TTC28: variants seen among roughly 807,000 people sequenced by gnomAD.
TTC28 encodes the protein tetratricopeptide repeat domain 28.
Under a neutral mutation model 198.0 loss-of-function variants are expected in TTC28, and 61 were observed. The ratio of observed to expected loss-of-function variants is 0.31; its 90% CI spans 0.25 to 0.38. TTC28 has a LOEUF of 0.38. Ranked by LOEUF, TTC28 falls within the 10% of genes least tolerant of loss-of-function variation. TTC28 has a pLI of 1.00. For missense variants in TTC28, 2,678 were observed against 3,164.0 expected, an observed-to-expected ratio of 0.85 and a Z score of 3.69; for synonymous variants, 1,171 against 1,297.8, an observed-to-expected ratio of 0.90 and a Z score of 2.10.
chr22:28,013,701 G>C (rs1938244748), intron 14 of TTC28, among the ~76,000 whole-genome samples: 2 of 152,198 alleles, frequency 1.3e-5, no homozygotes, highest in African/African-American at 4.8e-5. Context: ...GTAGGGTGTG[G>C]GCGCAAGGTG....
chr22:28,296,362 T>A, intron 4 of TTC28, 34 bp from the exon 5 acceptor site: 1 of 1,477,186 alleles, frequency 6.8e-7, no homozygotes, highest in Non-Finnish European at 9.0e-7. Context: ...AAAGAAAAAA[T>A]TTCTCTAAGT....
At chr22:28,426,482 A>G (rs971090345) in intron 2 of TTC28, among the ~76,000 whole-genome samples, 2 of 152,186 alleles carry the variant, frequency 1.3e-5, no homozygotes, top group African/African-American at 4.8e-5. Flanking sequence ...CAGGAGTTGG[A>G]TTAGACCATT....
intron 2 of TTC28, among the ~76,000 whole-genome samples, chr22:28,594,240 C>A (rs184402758): frequency 1.1e-4 from 16 of 148,776 alleles, no homozygotes; most frequent in East Asian, 3.9e-4. Context: ...AATAAATAAT[C>A]GTTTATTAAT....
chr22:28,296,647 G>A (rs577154331), intron 4 of TTC28, among the ~76,000 whole-genome samples: 29 of 152,132 alleles, frequency 1.9e-4, no homozygotes, highest in African/African-American at 2.7e-4. Context: ...CCCTGCTAAT[G>A]ACCTTTGATT....
chr22:28,142,309 AGAG>A (rs1943357054), intron 6 of TTC28, among the ~76,000 whole-genome samples: 1 of 152,238 alleles, frequency 6.6e-6, no homozygotes, highest in South Asian at 2.1e-4. Context: ...CGCCTAGAAT[AGAG>A]GAGTAACCAT....
intron 12 of TTC28, among the ~76,000 whole-genome samples, chr22:28,089,652 C>T (rs957685517): frequency 7.5e-5 from 10 of 132,606 alleles, no homozygotes; most frequent in African/African-American, 2.8e-4. Context: ...TACCCTAAAA[C>T]TTAAAGTATA....
intron 5 of TTC28, among the ~76,000 whole-genome samples, chr22:28,281,034 A>C (rs1394212252): frequency 5.3e-5 from 8 of 152,074 alleles, no homozygotes; most frequent in Admixed American, 5.2e-4. Flanking sequence ...TTCTCTTTAT[A>C]ATTGGTTTAT....
At chr22:28,617,332 GAA>G (rs35868414) in intron 2 of TTC28, among the ~76,000 whole-genome samples, 3 of 122,278 alleles carry the variant, frequency 2.5e-5, no homozygotes, top group African/African-American at 3.0e-5. Context: ...AACTTTTTTT[GAA>G]AAAAAAAAAA....
chr22:28,344,106 A>G (rs1335943541), intron 2 of TTC28, among the ~76,000 whole-genome samples: 4 of 151,458 alleles, frequency 2.6e-5, no homozygotes, highest in Admixed American at 2.0e-4. Context: ...TTAACCACAC[A>G]TATACCAATC....
chr22:28,188,426 A>C (rs1924404522), intron 5 of TTC28, among the ~76,000 whole-genome samples: 1 of 152,144 alleles, frequency 6.6e-6, no homozygotes, highest in Non-Finnish European at 1.5e-5. Context: ...GCAGGAATTG[A>C]GGCACTAAGG....
intron 6 of TTC28, among the ~76,000 whole-genome samples, chr22:28,149,036 A>G (rs919832965): frequency 6.6e-6 from 1 of 152,230 alleles, no homozygotes; most frequent in Non-Finnish European, 1.5e-5. Flanking sequence ...ACGTGTTGTT[A>G]GGTGATTTCG....
chr22:28,337,394 T>G (rs1437930997), intron 2 of TTC28, among the ~76,000 whole-genome samples: 1 of 152,018 alleles, frequency 6.6e-6, no homozygotes, highest in Non-Finnish European at 1.5e-5. Context: ...CTGGATATCC[T>G]TGTTAACTTT....
intron 2 of TTC28, among the ~76,000 whole-genome samples, chr22:28,352,393 T>A (rs776495046): frequency 2.6e-5 from 4 of 151,688 alleles, no homozygotes; most frequent in Non-Finnish European, 5.9e-5. Context: ...TATAGGGCTA[T>A]TGTGGAAAGG....
intron 1 of TTC28, among the ~76,000 whole-genome samples, chr22:28,659,100 C>A (rs1392685272): frequency 6.6e-6 from 1 of 152,204 alleles, no homozygotes; most frequent in Non-Finnish European, 1.5e-5. Flanking sequence ...GGGCCCTCAC[C>A]AGAAGCAAAC....
chr22:28,297,746 A>G lies in TTC28; in HGVS notation c.636T>C (p.His212=). 1 of 1,551,674 alleles carries G rather than the reference A, an allele frequency of 6.4e-7. No individual in the cohort carries two copies. Among genetic ancestry groups the G allele is most frequent in the Non-Finnish European group, 8.7e-7 (1 of 1,146,984 alleles). The change falls in exon 4 of 23, where the codon CAT becomes CAC. Residue 212 remains histidine (H), a synonymous_variant. Coordinates refer to ENST00000397906, the MANE Select transcript of TTC28 (RefSeq NM_001145418.2). ...CTTCTAAGACAACCACAGAGGCCCCATGATGGCCAGCTGTCAGGAGTTCCT... is the reference window on the plus strand; with the variant it reads ...CTTCTAAGACAACCACAGAGGCCCCGTGATGGCCAGCTGTCAGGAGTTCCT... The part of the protein sequence containing the change: ...VGQELLTAGH[H]GASVVVLEAA...
chr22:28,561,394 C>T (rs1400682834), intron 2 of TTC28, among the ~76,000 whole-genome samples: 1 of 152,086 alleles, frequency 6.6e-6, no homozygotes, highest in Admixed American at 6.5e-5. Flanking sequence ...CATTTTATAA[C>T]TCCTTACATG....
At chr22:28,385,850 T>C (rs751161774) in intron 2 of TTC28, among the ~76,000 whole-genome samples, 7 of 152,322 alleles carry the variant, frequency 4.6e-5, no homozygotes, top group African/African-American at 1.7e-4. Context: ...CTACTCACTA[T>C]GTCTGATCAC....
chr22:28,550,190 A>C (rs2049637005), intron 2 of TTC28, among the ~76,000 whole-genome samples: 1 of 152,180 alleles, frequency 6.6e-6, no homozygotes, highest in African/African-American at 2.4e-5. Context: ...GACATTTTGC[A>C]GAAGTAGATG....
chr22:28,211,526 A>G (rs1233686391), intron 5 of TTC28, among the ~76,000 whole-genome samples: 1 of 152,206 alleles, frequency 6.6e-6, no homozygotes, highest in Non-Finnish European at 1.5e-5. Context: ...GGATCAAAAG[A>G]GACAAAGAAG....
Sources: gnomAD v4.1 joint callset for allele counts (sites outside exome capture counted in the v4.1 genomes callset) on GRCh38, gnomAD v4.1.1 for gene constraint, MANE v1.5 for transcripts, NCBI Gene and HGNC (gene_info 2026-07-23, HGNC 2026-07-21) for gene names.